Variants in ST6GALNAC3 observed in about 807,000 individuals in gnomAD.
ST6GALNAC3 encodes the protein alpha-N-acetylgalactosaminide alpha-2,6-sialyltransferase 3.
ST6GALNAC3 carries 25 observed loss-of-function variants against 32.7 expected under a neutral mutation model. The observed-to-expected ratio is 0.76, with a 90% confidence interval of 0.56 to 1.07. ST6GALNAC3 has a LOEUF of 1.07. Ranked by LOEUF, ST6GALNAC3 falls within the 50% of genes least tolerant of loss-of-function variation. ST6GALNAC3 has a pLI of 0.00. For missense variants in ST6GALNAC3, 355 were observed against 382.4 expected, an observed-to-expected ratio of 0.93 and a Z score of 0.60; for synonymous variants, 129 against 133.1, an observed-to-expected ratio of 0.97 and a Z score of 0.21.
intron 1 of ST6GALNAC3, among the ~76,000 whole-genome samples, chr1:76,278,111 T>A (rs1332157656): frequency 7.6e-6 from 1 of 130,878 alleles, no homozygotes; most frequent in South Asian, 2.3e-4. Context: ...TAATGTTGAG[T>A]CTTTCTATCT....
At chr1:76,219,467 G>A (rs1224067779) in intron 1 of ST6GALNAC3, among the ~76,000 whole-genome samples, 1 of 152,188 alleles carries the variant, frequency 6.6e-6, no homozygotes, top group Non-Finnish European at 1.5e-5. Flanking sequence ...TCTTAGATGT[G>A]AACCCTCTGC....
At chr1:76,135,331 T>C (rs952176387) in intron 1 of ST6GALNAC3, among the ~76,000 whole-genome samples, 6 of 152,224 alleles carry the variant, frequency 3.9e-5, no homozygotes, top group African/African-American at 1.4e-4. Flanking sequence ...TTTTTTAACT[T>C]AGTATGTAAG....
chr1:76,604,421 G>T (rs1647391861), intron 3 of ST6GALNAC3, among the ~76,000 whole-genome samples: 1 of 152,194 alleles, frequency 6.6e-6, no homozygotes, highest in African/African-American at 2.4e-5. Flanking sequence ...GAGAGATGTA[G>T]AGAATCTATA....
At chr1:76,143,351 A>C (rs1288685420) in intron 1 of ST6GALNAC3, among the ~76,000 whole-genome samples, 1 of 151,344 alleles carries the variant, frequency 6.6e-6, no homozygotes, top group Non-Finnish European at 1.5e-5. Context: ...GGTGATTGCA[A>C]AAGTACTCTC....
intron 3 of ST6GALNAC3, among the ~76,000 whole-genome samples, chr1:76,460,320 C>T (rs1209517876): frequency 1.3e-5 from 2 of 151,740 alleles, no homozygotes; most frequent in Non-Finnish European, 1.5e-5. Context: ...TAAATTGGGT[C>T]GTTTGTCTTT....
At chr1:76,339,957 A>G (rs1346440521) in intron 2 of ST6GALNAC3, among the ~76,000 whole-genome samples, 1 of 152,220 alleles carries the variant, frequency 6.6e-6, no homozygotes, top group Non-Finnish European at 1.5e-5. Flanking sequence ...ACAGATATTC[A>G]AAGGAAGAAT....
chr1:76,324,133 G>A (rs1316278466), intron 2 of ST6GALNAC3, among the ~76,000 whole-genome samples: 1 of 152,198 alleles, frequency 6.6e-6, no homozygotes, highest in Admixed American at 6.5e-5. Context: ...TGGGATTACA[G>A]GTGTGAGCCA....
chr1:76,410,056 G>A (rs1654115722), intron 2 of ST6GALNAC3, among the ~76,000 whole-genome samples: 1 of 151,740 alleles, frequency 6.6e-6, no homozygotes, highest in South Asian at 2.1e-4. Flanking sequence ...CTTCCACCCT[G>A]GCCTCTTTTT....
At chr1:76,077,402 A>G (rs1023995217) in intron 1 of ST6GALNAC3, among the ~76,000 whole-genome samples, 1 of 152,226 alleles carries the variant, frequency 6.6e-6, no homozygotes, top group Non-Finnish European at 1.5e-5. Flanking sequence ...GCATATTAAC[A>G]GAGGAAAAAC....
intron 3 of ST6GALNAC3, among the ~76,000 whole-genome samples, chr1:76,569,850 A>G (rs144754990): frequency 1.1e-4 from 16 of 152,252 alleles, no homozygotes; most frequent in African/African-American, 3.8e-4. Context: ...CACTTGTGCC[A>G]TTAGCATCAG....
chr1:76,319,136 G>A (rs748443187), intron 2 of ST6GALNAC3, among the ~76,000 whole-genome samples: 9 of 152,130 alleles, frequency 5.9e-5, no homozygotes, highest in Non-Finnish European at 8.8e-5. Flanking sequence ...GGTGACAGAT[G>A]TCTTCCTTAG....
At position 76,313,945 on chromosome 1, in the gene ST6GALNAC3, A is replaced by G. The variant is rs34983951; in HGVS notation, c.159A>G (p.Thr53=). ...CAAAGTGGATACCATTCTCCTACACATACAGGCGGCCCCTTCGAACTCACT... is the reference window on the plus strand; with the variant it reads ...CAAAGTGGATACCATTCTCCTACACGTACAGGCGGCCCCTTCGAACTCACT... The part of the protein sequence containing the change: ...PGTKWIPFSY[T]YRRPLRTHYG... The change falls in exon 2 of 5, where the codon ACA becomes ACG. Residue 53 remains threonine, a synonymous_variant. Transcript: ENST00000328299. 7.0e-4 allele frequency: 1,132 copies of G among 1,613,492 alleles called. 1 individual carries two copies. The highest frequency in any genetic ancestry group is 8.4e-4 in the Non-Finnish European group (988 of 1,179,620).
intron 1 of ST6GALNAC3, among the ~76,000 whole-genome samples, chr1:76,109,352 C>T (rs527660286): frequency 3.3e-5 from 5 of 152,276 alleles, no homozygotes; most frequent in Non-Finnish European, 5.9e-5. Context: ...AAAGACTCCC[C>T]GTAAGCTGAG....
At chr1:76,202,847 A>G (rs1356562685) in intron 1 of ST6GALNAC3, among the ~76,000 whole-genome samples, 1 of 152,206 alleles carries the variant, frequency 6.6e-6, no homozygotes, top group African/African-American at 2.4e-5. Context: ...TGAGTGTTAA[A>G]TATGGAGATC....
At chr1:76,482,789 A>G (rs1306988045) in intron 3 of ST6GALNAC3, among the ~76,000 whole-genome samples, 1 of 151,912 alleles carries the variant, frequency 6.6e-6, no homozygotes, top group Non-Finnish European at 1.5e-5. Context: ...GGTTTGTTAC[A>G]TATGTATACA....
At chr1:76,104,659 G>T (rs1275752190) in intron 1 of ST6GALNAC3, among the ~76,000 whole-genome samples, 6 of 144,828 alleles carry the variant, frequency 4.1e-5, no homozygotes, top group African/African-American at 1.6e-4. Context: ...TTTAATAAAT[G>T]CTTTTTCTCT....
chr1:76,235,382 C>G (rs979415582), intron 1 of ST6GALNAC3, among the ~76,000 whole-genome samples: 1 of 152,004 alleles, frequency 6.6e-6, no homozygotes, highest in African/African-American at 2.4e-5. Flanking sequence ...TGGTGCCTGC[C>G]TGTAGTCCAA....
intron 2 of ST6GALNAC3, among the ~76,000 whole-genome samples, chr1:76,337,800 T>C (rs912980084): frequency 3.9e-5 from 6 of 152,110 alleles, no homozygotes; most frequent in African/African-American, 1.4e-4. Context: ...CTAGGTACTT[T>C]TGTAGCCTAC....
intron 3 of ST6GALNAC3, among the ~76,000 whole-genome samples, chr1:76,557,455 A>G (rs944821978): frequency 7.2e-5 from 11 of 152,114 alleles, no homozygotes; most frequent in African/African-American, 2.7e-4. Flanking sequence ...CTAATGTTCC[A>G]TCAGGATTGT....
Sources: allele counts gnomAD v4.1 joint callset (sites outside exome capture counted in the v4.1 genomes callset), GRCh38; gene constraint gnomAD v4.1.1; transcripts MANE v1.5; gene names NCBI Gene and HGNC (gene_info 2026-07-23, HGNC 2026-07-21).